Variants in METTL25B observed in about 807,000 individuals in gnomAD.
METTL25B encodes the protein methyltransferase like 25B.
A neutral mutation model predicts 48.4 loss-of-function variants in METTL25B; 38 were observed. The observed-to-expected ratio is 0.78, with a 90% CI of 0.61 to 1.03. The LOEUF is 1.03. METTL25B is among the 50% of genes least tolerant of loss of function. The probability of loss-of-function intolerance (pLI) is 0.00; values close to 1 mark genes in which losing one functional copy is unlikely to be tolerated. For missense variants in METTL25B, 537 were observed against 603.7 expected, an observed-to-expected ratio of 0.89 and a Z score of 1.16; for synonymous variants, 230 against 254.5, an observed-to-expected ratio of 0.90 and a Z score of 0.92.
rs1225456591 is a variant in METTL25B at position 156,734,263 on chromosome 1, A to G, written c.891A>G (p.Pro297=). The G allele has an allele frequency of 1.9e-6, 3 of 1,613,892 alleles. No homozygotes were observed. Among genetic ancestry groups the G allele is most frequent in the Non-Finnish European group, 2.5e-6 (3 of 1,179,982 alleles). The change falls in exon 6 of 8, where the codon CCA becomes CCG. Residue 297 remains proline, a synonymous_variant. Transcript: ENST00000368216. ...AGCTGAGTGACCCTGGCGGCTACCC[A>G]CTGAGTCAGTGGGTGGCTGGGCTGC... ...YMKLSDPGGY[P]LSQWVAGLPG... is the part of the protein sequence containing the mutation.
At chr1:156,729,741 C>A (rs192734579) in intron 1 of METTL25B, among the ~76,000 whole-genome samples, 1 of 152,308 alleles carries the variant, frequency 6.6e-6, no homozygotes, top group Non-Finnish European at 1.5e-5. Flanking sequence ...AATCCTGCCT[C>A]CCCTATGATG....
At chr1:156,731,687 C>T (rs1388745510) in intron 1 of METTL25B, among the ~76,000 whole-genome samples, 2 of 152,216 alleles carry the variant, frequency 1.3e-5, no homozygotes, top group African/African-American at 4.8e-5. Context: ...CATCCCTCCC[C>T]TTAAGAAATT....
intron 1 of METTL25B, 25 bp downstream of exon 1, chr1:156,729,240 G>A (rs780890684): frequency 6.9e-7 from 1 of 1,450,278 alleles, no homozygotes; most frequent in Non-Finnish European, 9.7e-7. Context: ...GCGTGGGTGG[G>A]ATGTCTCTGG....
chr1:156,734,536 C>G (rs374459605), intron 6 of METTL25B, 43 bp downstream of exon 6: 2 of 1,208,350 alleles, frequency 1.7e-6, no homozygotes, highest in Admixed American at 6.1e-5. Flanking sequence ...GAGGAGATTT[C>G]TTTTTTTTTT....
At chr1:156,733,900 TTCC>T in intron 5 of METTL25B, 106 bp from the exon 6 acceptor site, 1 of 1,445,218 alleles carries the variant, frequency 6.9e-7, no homozygotes, top group Non-Finnish European at 9.3e-7. Context: ...ATCTCCCACA[TTCC>T]TCCTTGGGGA....
chr1:156,734,822 C>A (rs1422798665), intron 6 of METTL25B, among the ~76,000 whole-genome samples: 5 of 112,458 alleles, frequency 4.4e-5, no homozygotes, highest in African/African-American at 1.6e-4. Flanking sequence ...TGAGCCACCG[C>A]ACCCGGCCTG....
At chr1:156,730,193 T>C (rs1649153814) in intron 1 of METTL25B, among the ~76,000 whole-genome samples, 1 of 152,370 alleles carries the variant, frequency 6.6e-6, no homozygotes. Flanking sequence ...TAGATACTTT[T>C]ATGAAATCCT....
rs1571526377 is a variant in METTL25B at position 156,736,813 on chromosome 1, C to T, written c.*60C>T. On this transcript the variant is annotated 3_prime_UTR_variant, in exon 8 of 8. Transcript: ENST00000368216. ...TGAAAGTGCCCAGAGAGCACAGTGG[C>T]AGAGTACATCTCATCCAGAGAAACA... 6.6e-7 allele frequency: 1 copy of T among 1,526,074 alleles called. No individual in the cohort carries two copies. Among genetic ancestry groups the T allele is most frequent in the East Asian group, 2.3e-5 (1 of 43,006 alleles). The allele number at this position is 1,526,074 out of a possible 1,614,324, so 94.5% of individuals were successfully genotyped here.
intron 7 of METTL25B, 184 bp from the exon 8 acceptor site, chr1:156,736,448 A>G (rs1649810554): frequency 4.8e-6 from 3 of 624,148 alleles, no homozygotes; most frequent in Admixed American, 2.8e-5. Context: ...AGAACCTACA[A>G]TGCAAGAGGA....
rs751318703 is a variant in METTL25B, at chr1:156,734,146, C to T, written c.774C>T (p.His258=). ...GRARLLLTGL[H]ACGDLSVALL... ...CCCGCTTGCTGCTCACAGGCCTCCACGCCTGTGGGGATCTGAGTGTTGCCT... is the reference window on the plus strand; with the variant it reads ...CCCGCTTGCTGCTCACAGGCCTCCATGCCTGTGGGGATCTGAGTGTTGCCT... The change falls in exon 6 of 8, where the codon CAC becomes CAT. Residue 258 remains histidine (H), a synonymous_variant. Transcript: ENST00000368216. 12 of 1,614,090 alleles carry T rather than the reference C, an allele frequency of 7.4e-6. No individual in the cohort carries two copies. Among genetic ancestry groups the T allele is most frequent in the South Asian group, 3.3e-5 (3 of 91,092 alleles).
At position 156,734,105 on chromosome 1, in the gene METTL25B, C is replaced by G; in HGVS notation, c.733C>G (p.Pro245Ala). 1 of 1,614,224 alleles carries G rather than the reference C, an allele frequency of 6.2e-7. No homozygotes were observed. Among genetic ancestry groups the G allele is most frequent in the Non-Finnish European group, 8.5e-7 (1 of 1,180,046 alleles). Residue 245 changes from proline (P) to alanine (A), a missense_variant, in exon 6 of 8, where the codon CCG (proline) becomes GCG (alanine). Coordinates refer to ENST00000368216, the MANE Select transcript of METTL25B (RefSeq NM_015997.4). ...GGAGCTTCTGCTTCCACTGGAGAAC[C>G]CGTGTCAGGGCAGGGCCCGCTTGCT... The part of the protein sequence containing the change: ...CEELLLPLEN[P>A]CQGRARLLLT...
chr1:156,730,344 G>A (rs1469131153), intron 1 of METTL25B, among the ~76,000 whole-genome samples: 1 of 152,122 alleles, frequency 6.6e-6, no homozygotes, highest in Non-Finnish European at 1.5e-5. Flanking sequence ...GCAGGCATCT[G>A]GACCTTTGCA....
At position 156,736,642 on chromosome 1, in the gene METTL25B, T is replaced by G; in HGVS notation, c.1317T>G (p.Ala439=). 3.7e-6 allele frequency: 6 copies of G among 1,614,104 alleles called. No homozygotes were observed. The highest frequency in any genetic ancestry group is 5.1e-6 in the Non-Finnish European group (6 of 1,180,020). ...AGCCCTTTCTCCCAGGTTTCCATGC[T>G]GAGCTCCTGCCCATCTTCAGTCCTG... is the stretch of plus-strand genomic sequence containing the variant. ...LLYLQEQGFH[A]ELLPIFSPEL... Residue 439 remains alanine, a synonymous_variant, in exon 8 of 8, where the codon GCT becomes GCG. Transcript: ENST00000368216.
At chr1:156,733,776 T>G in intron 5 of METTL25B, 1 of 657,866 alleles carries the variant, frequency 1.5e-6, no homozygotes, top group East Asian at 2.8e-5. Flanking sequence ...GGTTTTAGAC[T>G]TGTTACAAAT....
At position 156,734,389 on chromosome 1, in the gene METTL25B, C is replaced by T. The variant is rs373474927; in HGVS notation, c.1017C>T (p.His339=). The change falls in exon 6 of 8, where the codon CAC becomes CAT. Residue 339 remains histidine (H), a synonymous_variant. Transcript: ENST00000368216. ...LQKAGPGLRT[H]CYRAALETVI... ...AAGCTGGCCCTGGCCTTCGAACTCACTGCTACCGTGCAGCACTGGAGACAG... is the reference window on the plus strand; with the variant it reads ...AAGCTGGCCCTGGCCTTCGAACTCATTGCTACCGTGCAGCACTGGAGACAG... The T allele has an allele frequency of 5.0e-6, 8 of 1,613,526 alleles. No homozygotes were observed. The East Asian group carries it at 1.6e-4, about 31-fold the overall frequency.
chr1:156,736,887 C>G lies in METTL25B; in HGVS notation c.*134C>G. On this transcript the variant is annotated 3_prime_UTR_variant, in exon 8 of 8. Transcript: ENST00000368216. ...TGGTTCCTTCAGTTTCATCCCCTTT[C>G]TCTCCTTCCATGGATTATGTAATAC... The G allele has an allele frequency of 1.3e-6, 1 of 793,054 alleles. No individual in the cohort carries two copies. The highest frequency in any genetic ancestry group is 2.7e-5 in the East Asian group (1 of 37,060). 49.1% of individuals were successfully genotyped at this position (793,054 alleles called of 1,614,324 possible).
chr1:156,733,055 A>G lies in METTL25B; in HGVS notation c.492+8A>G. ...GACGTGGGCTCAGGCCAGGTGAGCC[A>G]GAGTCTTGATGTACTGTTTTTTTGA... On this transcript the variant is annotated splice_region_variant and intron_variant, in intron 4 of 7. Coordinates refer to ENST00000368216, the MANE Select transcript of METTL25B (RefSeq NM_015997.4). 6.2e-7 allele frequency: 1 copy of G among 1,613,584 alleles called. No individual in the cohort carries two copies. Among genetic ancestry groups the G allele is most frequent in the Non-Finnish European group, 8.5e-7 (1 of 1,179,536 alleles).
rs1648984360 is a variant in METTL25B, at chr1:156,729,044, A to G, written c.-61A>G. 5.1e-6 allele frequency: 5 copies of G among 985,814 alleles called. No individual in the cohort carries two copies. The highest frequency in any genetic ancestry group is 3.3e-5 in the African/African-American group (2 of 60,992). 61.1% of individuals were successfully genotyped at this position (985,814 alleles called of 1,614,324 possible). A position where few individuals can be genotyped will look rare whatever the true frequency, so the allele number is the denominator to read the frequency against. On this transcript the variant is annotated 5_prime_UTR_variant, in exon 1 of 8. Coordinates refer to ENST00000368216, the MANE Select transcript of METTL25B (RefSeq NM_015997.4). ...CGTCCGGGTCCTGGACCCGCGTAGT[A>G]CTGACCCTGGATCCCTGTTCACTGC...
chr1:156,733,815 G>A (rs192105810), intron 5 of METTL25B, among the ~76,000 whole-genome samples, 194 bp from the exon 6 acceptor site: 2 of 152,352 alleles, frequency 1.3e-5, no homozygotes, highest in Admixed American at 1.3e-4. Flanking sequence ...ATGAAAAGAT[G>A]TACATGGTGA....
Sources: gnomAD v4.1 joint callset for allele counts (sites outside exome capture counted in the v4.1 genomes callset) on GRCh38, gnomAD v4.1.1 for gene constraint, MANE v1.5 for transcripts, NCBI Gene and HGNC (gene_info 2026-07-23, HGNC 2026-07-21) for gene names.